The following CTNNA3 variants were observed in gnomAD, a reference collection of about 807,000 sequenced individuals.
The protein encoded by CTNNA3 is catenin alpha 3, also known as catenin alpha-3.
A neutral mutation model predicts 95.7 loss-of-function variants in CTNNA3; 76 were observed. The observed-to-expected ratio is 0.79, with a 90% CI of 0.66 to 0.96. CTNNA3 has a LOEUF of 0.96. Ranked by LOEUF, CTNNA3 falls within the 40% of genes least tolerant of loss-of-function variation. The probability of loss-of-function intolerance (pLI) is 0.00; values close to 1 mark genes in which losing one functional copy is unlikely to be tolerated. For synonymous variants in CTNNA3, 431 were observed against 374.4 expected (o/e 1.15, Z -1.74); for missense variants, 1,191 against 1,089.8 (o/e 1.09, Z -1.31).
chr10:65,954,752 G>C (rs2077694852), intron 17 of CTNNA3, among the ~76,000 whole-genome samples: 1 of 152,164 alleles, frequency 6.6e-6, no homozygotes, highest in Admixed American at 6.5e-5. Flanking sequence ...CTATATCTCT[G>C]TTTTGGTACC....
chr10:66,486,846 C>CACAA (rs1392307734), intron 11 of CTNNA3, among the ~76,000 whole-genome samples: 1 of 150,848 alleles, frequency 6.6e-6, no homozygotes, highest in Non-Finnish European at 1.5e-5. Flanking sequence ...CACACACACA[C>CACAA]AAAATGAAAT....
At chr10:66,375,896 C>G (rs551387508) in intron 12 of CTNNA3, among the ~76,000 whole-genome samples, 2 of 152,290 alleles carry the variant, frequency 1.3e-5, no homozygotes, top group African/African-American at 4.8e-5. Flanking sequence ...TGGATACACA[C>G]TTTCCAGTCT....
intron 11 of CTNNA3, among the ~76,000 whole-genome samples, chr10:66,463,801 G>C (rs1307228660): frequency 6.6e-6 from 1 of 151,976 alleles, no homozygotes; most frequent in African/African-American, 2.4e-5. Context: ...TAGGCTTTGG[G>C]AGAGCTTAAA....
chr10:67,664,106 C>T (rs896049603), intron 1 of CTNNA3, among the ~76,000 whole-genome samples: 1 of 152,310 alleles, frequency 6.6e-6, no homozygotes, highest in South Asian at 2.1e-4. Context: ...CCATTTACAA[C>T]AATTTATTTT....
intron 1 of CTNNA3, among the ~76,000 whole-genome samples, chr10:67,709,571 C>T (rs958124890): frequency 1.3e-5 from 2 of 152,076 alleles, no homozygotes; most frequent in African/African-American, 2.4e-5. Flanking sequence ...TTCATAAACA[C>T]CCCTGCTAAG....
intron 15 of CTNNA3, among the ~76,000 whole-genome samples, chr10:66,056,691 A>G (rs2080094640): frequency 6.6e-6 from 1 of 152,168 alleles, no homozygotes; most frequent in Admixed American, 6.5e-5. Context: ...ACTTCTGTTA[A>G]TATCTCAATA....
chr10:65,938,933 C>T (rs968211627), intron 17 of CTNNA3, among the ~76,000 whole-genome samples: 35 of 151,354 alleles, frequency 2.3e-4, no homozygotes, highest in Non-Finnish European at 2.8e-4. Flanking sequence ...GACGGAGTCT[C>T]GCTCTGTCGC....
chr10:66,405,605 A>G (rs577983951), intron 11 of CTNNA3, among the ~76,000 whole-genome samples: 31 of 152,176 alleles, frequency 2.0e-4, no homozygotes, highest in African/African-American at 7.5e-4. Context: ...CTAACTTGAA[A>G]CCACAAAAAC....
chr10:66,028,493 G>A (rs943131306), intron 15 of CTNNA3, among the ~76,000 whole-genome samples: 3 of 151,716 alleles, frequency 2.0e-5, no homozygotes, highest in Non-Finnish European at 4.4e-5. Flanking sequence ...ACTATCGCAA[G>A]GACAAAAAAC....
intron 9 of CTNNA3, among the ~76,000 whole-genome samples, chr10:66,719,401 T>A (rs1248010974): frequency 6.6e-6 from 1 of 152,204 alleles, no homozygotes; most frequent in Non-Finnish European, 1.5e-5. Context: ...TAACATCTGA[T>A]AACATGTGTT....
intron 11 of CTNNA3, among the ~76,000 whole-genome samples, chr10:66,431,811 T>C (rs986197403): frequency 1.3e-5 from 2 of 151,116 alleles, no homozygotes; most frequent in Non-Finnish European, 3.0e-5. Context: ...GACCAGTTAA[T>C]GGGTGCAGCA....
intron 11 of CTNNA3, among the ~76,000 whole-genome samples, chr10:66,421,456 T>C (rs1055013677): frequency 1.3e-5 from 2 of 152,110 alleles, no homozygotes; most frequent in Non-Finnish European, 2.9e-5. Flanking sequence ...TAATGGACAC[T>C]TCAAAAACTT....
intron 1 of CTNNA3, among the ~76,000 whole-genome samples, chr10:67,730,534 C>T (rs1445397576): frequency 6.6e-6 from 1 of 152,068 alleles, no homozygotes; most frequent in Non-Finnish European, 1.5e-5. Context: ...AAGAGGAAGA[C>T]ATGATCCAAG....
At chr10:67,632,447 A>T (rs1839176181) in intron 2 of CTNNA3, among the ~76,000 whole-genome samples, 1 of 152,136 alleles carries the variant, frequency 6.6e-6, no homozygotes, top group East Asian at 1.9e-4. Flanking sequence ...AGAGGAAGGA[A>T]AGGAGCAAGT....
At position 66,010,248 on chromosome 10, in the gene CTNNA3, G is replaced by T. The variant is rs74143648; in HGVS notation, c.2160-21451C>A. ...GCTAAATCAGTTCCAAATAGAAACT[G>T]TCAATGACCATAAGGACATATTTTT... On this transcript the variant is annotated intron_variant, in intron 15 of 17. Coordinates refer to ENST00000433211, the MANE Select transcript of CTNNA3 (RefSeq NM_013266.4). 4.7e-3 allele frequency among the ~76,000 whole-genome samples: 722 copies of T among 152,244 alleles called. 6 individuals carry two copies. The highest frequency in any genetic ancestry group is 0.016 in the African/African-American group (674 of 41,548).
chr10:66,536,097 A>C (rs189435324), intron 10 of CTNNA3, among the ~76,000 whole-genome samples: 3 of 151,930 alleles, frequency 2.0e-5, no homozygotes, highest in Admixed American at 6.6e-5. Flanking sequence ...TTGTTGTTGA[A>C]ACAGGGTGAT....
chr10:67,191,226 T>A (rs908587552), intron 6 of CTNNA3, among the ~76,000 whole-genome samples: 1 of 151,948 alleles, frequency 6.6e-6, no homozygotes, highest in African/African-American at 2.4e-5. Flanking sequence ...CATTTCCACT[T>A]AATATATTCC....
intron 11 of CTNNA3, 95 bp from the exon 12 acceptor site, chr10:66,379,447 GATAGAGTGC>G (rs758592447): frequency 2.4e-4 from 247 of 1,020,098 alleles, no homozygotes; most frequent in Non-Finnish European, 3.5e-4. Context: ...TCTGACTTCA[GATAGAGTGC>G]ACATTGGAAA....
intron 7 of CTNNA3, among the ~76,000 whole-genome samples, chr10:67,151,407 A>C (rs1861086560): frequency 6.6e-6 from 1 of 152,244 alleles, no homozygotes; most frequent in Non-Finnish European, 1.5e-5. Context: ...TAACAATAAC[A>C]TGACACCAAG....
Sources: gnomAD v4.1 joint callset for allele counts (sites outside exome capture counted in the v4.1 genomes callset) on GRCh38, gnomAD v4.1.1 for gene constraint, MANE v1.5 for transcripts, NCBI Gene and HGNC (gene_info 2026-07-23, HGNC 2026-07-21) for gene names.